KCNH8: variants seen among roughly 807,000 people sequenced by gnomAD.
The protein encoded by KCNH8 is potassium voltage-gated channel subfamily H member 8, also known as voltage-gated delayed rectifier potassium channel KCNH8.
In KCNH8, 70 loss-of-function variants were observed where a neutral mutation model predicts 103.6. The ratio of observed to expected loss-of-function variants is 0.68; its 90% CI spans 0.56 to 0.82. KCNH8 has a LOEUF of 0.82. Among genes scored for constraint, KCNH8 ranks in the 40% least tolerant of loss-of-function variants. The probability of loss-of-function intolerance (pLI) is 0.00; values close to 1 mark genes in which losing one functional copy is unlikely to be tolerated. For synonymous variants in KCNH8, 498 were observed against 489.4 expected (o/e 1.02, Z -0.23); for missense variants, 1,217 against 1,329.9 (o/e 0.92, Z 1.32).
intron 11 of KCNH8, among the ~76,000 whole-genome samples, chr3:19,479,249 T>C (rs573618722): frequency 1.3e-5 from 2 of 152,250 alleles, no homozygotes; most frequent in African/African-American, 4.8e-5. Flanking sequence ...AATTCAGAGC[T>C]CAATTACTTA....
chr3:19,494,975 T>A (rs566532228), intron 11 of KCNH8, among the ~76,000 whole-genome samples: 29 of 152,310 alleles, frequency 1.9e-4, no homozygotes, highest in Admixed American at 7.2e-4. Flanking sequence ...TTTCATATGT[T>A]TTCTAGCCAC....
At chr3:19,425,860 A>T (rs1398200729) in intron 7 of KCNH8, among the ~76,000 whole-genome samples, 1 of 152,156 alleles carries the variant, frequency 6.6e-6, no homozygotes, top group South Asian at 2.1e-4. Flanking sequence ...GAAAAAGACT[A>T]CCACATAGAG....
At chr3:19,370,602 C>T (rs1353254769) in intron 5 of KCNH8, among the ~76,000 whole-genome samples, 1 of 151,748 alleles carries the variant, frequency 6.6e-6, no homozygotes, top group Non-Finnish European at 1.5e-5. Flanking sequence ...AGACTGTATA[C>T]ATATTTTATT....
Position 19,438,240 on chromosome 3 carries a change from A to C in KCNH8, c.1254A>C (p.Arg418=). Reference sequence around the variant, plus strand: ...ATACCTTGGGGGGCCCGTCGATCCGAAGTGCCTATATTGCCGCTCTGTACT... The same window carrying C: ...ATACCTTGGGGGGCCCGTCGATCCGCAGTGCCTATATTGCCGCTCTGTACT... The part of the protein sequence containing the change: ...GNNTLGGPSI[R]SAYIAALYFT... Residue 418 remains arginine, a synonymous_variant, in exon 8 of 16, where the codon CGA becomes CGC. Coordinates refer to ENST00000328405, the MANE Select transcript of KCNH8 (RefSeq NM_144633.3). The C allele has an allele frequency of 1.2e-6, 2 of 1,614,094 alleles. No homozygotes were observed. The highest frequency in any genetic ancestry group is 1.7e-6 in the Non-Finnish European group (2 of 1,180,016).
intron 1 of KCNH8, among the ~76,000 whole-genome samples, chr3:19,151,996 A>G (rs965928570): frequency 1.7e-4 from 26 of 152,092 alleles, no homozygotes; most frequent in African/African-American, 6.0e-4. Flanking sequence ...ACTTAGGGGG[A>G]AAAAGAAAAA....
In KCNH8 at chr3:19,342,744, C is replaced by T. The variant is rs142316743; in HGVS notation, c.570+30C>T. On this transcript the variant is annotated intron_variant, in intron 4 of 15. Transcript: ENST00000328405. ...GTGGTATGTGTGTACAGGATGAATGCTAGTGTTTCCCCTGGTGGCAATGTT... is the reference window on the plus strand; with the variant it reads ...GTGGTATGTGTGTACAGGATGAATGTTAGTGTTTCCCCTGGTGGCAATGTT... 2.1e-5 allele frequency: 33 copies of T among 1,568,338 alleles called. No individual in the cohort carries two copies. The East Asian group carries it at 5.4e-4, about 26-fold the overall frequency.
chr3:19,258,941 C>CTATATATATATATA (rs1559446903), intron 2 of KCNH8, among the ~76,000 whole-genome samples: 1 of 64,524 alleles, frequency 1.5e-5, no homozygotes, highest in African/African-American at 6.6e-5. Flanking sequence ...CTCTCTCTCT[C>CTATATATATATATA]TCTCTCTATA....
chr3:19,528,548 T>C lies in KCNH8; in HGVS notation c.2620-4847T>C, dbSNP rs183635955. On this transcript the variant is annotated intron_variant, in intron 15 of 15. Coordinates refer to ENST00000328405, the MANE Select transcript of KCNH8 (RefSeq NM_144633.3). ...ACCACCTGCACTTAAAATGAAGGGATAGTCAAGGCTTTGGTTTAGGAAAGT... is the reference window on the plus strand; with the variant it reads ...ACCACCTGCACTTAAAATGAAGGGACAGTCAAGGCTTTGGTTTAGGAAAGT... Among the ~76,000 whole-genome samples the C allele has an allele frequency of 1.3e-3, 205 of 152,234 alleles. 1 individual carries two copies. The highest frequency in any genetic ancestry group is 2.6e-3 in the Non-Finnish European group (177 of 67,994).
intron 11 of KCNH8, among the ~76,000 whole-genome samples, chr3:19,479,785 T>C (rs1244156372): frequency 1.3e-5 from 2 of 152,198 alleles, no homozygotes. Context: ...GTGAGTACGC[T>C]TCATTCATAT....
At chr3:19,281,047 A>G (rs920947748) in intron 2 of KCNH8, 151 bp from the exon 3 acceptor site, 6 of 703,156 alleles carry the variant, frequency 8.5e-6, no homozygotes, top group East Asian at 5.7e-5. Context: ...ATAGAAATTT[A>G]TGGAACCTGA....
At chr3:19,396,709 G>C (rs1559307790) in intron 7 of KCNH8, among the ~76,000 whole-genome samples, 1 of 151,984 alleles carries the variant, frequency 6.6e-6, no homozygotes, top group Non-Finnish European at 1.5e-5. Context: ...ATCAGGGTCT[G>C]AATTGTATGT....
At chr3:19,166,801 C>T (rs2063290197) in intron 1 of KCNH8, among the ~76,000 whole-genome samples, 1 of 152,116 alleles carries the variant, frequency 6.6e-6, no homozygotes, top group South Asian at 2.1e-4. Context: ...ATCTAGTACC[C>T]TTAAAGCAAG....
intron 1 of KCNH8, among the ~76,000 whole-genome samples, chr3:19,252,465 C>T (rs1575470359): frequency 1.3e-5 from 2 of 151,990 alleles, no homozygotes; most frequent in South Asian, 2.1e-4. Flanking sequence ...TCTTGACTCA[C>T]TGCAACCTTC....
intron 7 of KCNH8, among the ~76,000 whole-genome samples, chr3:19,396,281 T>G (rs2066516833): frequency 6.6e-6 from 1 of 152,032 alleles, no homozygotes; most frequent in African/African-American, 2.4e-5. Context: ...CAGCACTTAA[T>G]GGCTGGACAT....
intron 1 of KCNH8, among the ~76,000 whole-genome samples, chr3:19,150,539 A>T (rs2063119015): frequency 6.6e-6 from 1 of 152,202 alleles, no homozygotes; most frequent in Non-Finnish European, 1.5e-5. Flanking sequence ...ATACATTCAG[A>T]TATCAATTGC....
chr3:19,323,632 T>A (rs2065380847), intron 3 of KCNH8, among the ~76,000 whole-genome samples: 1 of 152,140 alleles, frequency 6.6e-6, no homozygotes, highest in South Asian at 2.1e-4. Context: ...TTGGGTAGAC[T>A]ATGTCACAGG....
At chr3:19,222,140 C>T (rs1357177714) in intron 1 of KCNH8, among the ~76,000 whole-genome samples, 1 of 152,184 alleles carries the variant, frequency 6.6e-6, no homozygotes, top group Non-Finnish European at 1.5e-5. Context: ...TGAGCCACTG[C>T]GCCCGGCCTA....
chr3:19,485,152 T>A (rs1266640595), intron 11 of KCNH8, among the ~76,000 whole-genome samples: 1 of 152,184 alleles, frequency 6.6e-6, no homozygotes, highest in Non-Finnish European at 1.5e-5. Flanking sequence ...CTCACAAACC[T>A]GTTACCTGAG....
intron 3 of KCNH8, among the ~76,000 whole-genome samples, chr3:19,323,947 T>A (rs1243477943): frequency 2.0e-5 from 3 of 152,322 alleles, no homozygotes; most frequent in Middle Eastern, 3.4e-3. Context: ...CTTGGTTGTA[T>A]TTTTGTTAAG....
Sources: allele counts gnomAD v4.1 joint callset (sites outside exome capture counted in the v4.1 genomes callset), GRCh38; gene constraint gnomAD v4.1.1; transcripts MANE v1.5; gene names NCBI Gene and HGNC (gene_info 2026-07-23, HGNC 2026-07-21).